Variants in RARB observed in about 807,000 individuals in gnomAD.
RARB encodes the protein HBV-activated protein.
A neutral mutation model predicts 51.9 loss-of-function variants in RARB; 17 were observed. The observed-to-expected ratio is 0.33, with a 90% CI of 0.22 to 0.49. The LOEUF (loss-of-function observed/expected upper bound fraction) is 0.49. Ranked by LOEUF, RARB falls within the 20% of genes least tolerant of loss-of-function variation. RARB has a pLI of 0.99. For synonymous variants in RARB, 215 were observed against 195.4 expected (o/e 1.10, Z -0.84); for missense variants, 369 against 550.8 (o/e 0.67, Z 3.30).
intron 1 of RARB, among the ~76,000 whole-genome samples, chr3:25,444,593 C>T (rs1380508656): frequency 6.6e-6 from 1 of 152,146 alleles, no homozygotes; most frequent in Non-Finnish European, 1.5e-5. Flanking sequence ...TCTAAACCCT[C>T]CTTTAGTGGG....
At chr3:25,214,619 C>T (rs1050298993) in intron 5 of RARB, among the ~76,000 whole-genome samples, 1 of 152,234 alleles carries the variant, frequency 6.6e-6, no homozygotes, top group Non-Finnish European at 1.5e-5. Flanking sequence ...AACAGGGCGT[C>T]CTGAAATGCC....
intron 2 of RARB, among the ~76,000 whole-genome samples, chr3:25,036,909 CTATGGTACTTTCAAGGTCATGCA>C (rs1698007122): frequency 6.6e-6 from 1 of 152,112 alleles, no homozygotes; most frequent in Admixed American, 6.5e-5. Flanking sequence ...TTCTTCTAAC[CTATGGTACTTTCAAGGTCATGCA>C]TGAGAGGTGT....
rs141759646 is a variant in RARB at position 25,207,763 on chromosome 3, C to T, written c.178+33188C>T. 2.0e-3 allele frequency among the ~76,000 whole-genome samples: 303 copies of T among 152,202 alleles called. 1 individual carries two copies. The highest frequency in any genetic ancestry group is 6.0e-3 in the Admixed American group (92 of 15,284). On this transcript the variant is annotated intron_variant, in intron 5 of 11. Transcript: ENST00000383772. The stretch of plus-strand genomic sequence containing the variant: ...AATATTGCTTGAATGAATGAATGAA[C>T]GAATGCAATTAAGACTCTTCAGAGG...
intron 5 of RARB, among the ~76,000 whole-genome samples, chr3:25,180,702 G>T (rs1325220397): frequency 6.6e-6 from 1 of 152,138 alleles, no homozygotes; most frequent in Non-Finnish European, 1.5e-5. Flanking sequence ...TTCTCCTTTA[G>T]TTCCCTCTGA....
intron 4 of RARB, among the ~76,000 whole-genome samples, chr3:25,146,665 C>T (rs944408448): frequency 2.7e-5 from 4 of 150,296 alleles, no homozygotes; most frequent in South Asian, 2.2e-4. Flanking sequence ...CCACCGCGCC[C>T]GGCTAATTTT....
At chr3:25,351,060 T>A (rs1463640173) in intron 5 of RARB, among the ~76,000 whole-genome samples, 1 of 152,192 alleles carries the variant, frequency 6.6e-6, no homozygotes, top group Non-Finnish European at 1.5e-5. Flanking sequence ...ACGTCTTAGT[T>A]TTAAGGAATA....
At chr3:25,047,601 A>G (rs570654846) in intron 2 of RARB, among the ~76,000 whole-genome samples, 1 of 152,332 alleles carries the variant, frequency 6.6e-6, no homozygotes, top group South Asian at 2.1e-4. Flanking sequence ...CATATTTTGG[A>G]GTAATCACCA....
intron 3 of RARB, among the ~76,000 whole-genome samples, chr3:25,101,098 A>C (rs920901718): frequency 5.3e-5 from 8 of 152,198 alleles, no homozygotes; most frequent in African/African-American, 1.7e-4. Context: ...ATATCATTTA[A>C]AGAGACTTTT....
chr3:25,356,848 T>C (rs1050796139), intron 5 of RARB, among the ~76,000 whole-genome samples: 13 of 152,056 alleles, frequency 8.5e-5, no homozygotes, highest in African/African-American at 3.1e-4. Context: ...ATGAACTCAT[T>C]CTTTTTTATG....
At chr3:25,072,696 G>T (rs1266352536) in intron 3 of RARB, among the ~76,000 whole-genome samples, 2 of 151,278 alleles carry the variant, frequency 1.3e-5, no homozygotes, top group Non-Finnish European at 2.9e-5. Flanking sequence ...TACAAGGAGG[G>T]TTTCTTTAAT....
At chr3:24,950,988 G>C (rs942722863) in intron 2 of RARB, among the ~76,000 whole-genome samples, 1 of 152,160 alleles carries the variant, frequency 6.6e-6, no homozygotes, top group African/African-American at 2.4e-5. Context: ...ACCAAACCCA[G>C]TTGCAGGACT....
chr3:25,232,985 T>TC (rs1311426012), intron 5 of RARB, among the ~76,000 whole-genome samples: 45 of 147,934 alleles, frequency 3.0e-4, no homozygotes, highest in African/African-American at 1.0e-3. Flanking sequence ...TTTTTTTTTT[T>TC]TTTTTTTTGA....
intron 2 of RARB, chr3:25,059,981 G>A (rs1698516252): frequency 6.6e-6 from 1 of 151,638 alleles, no homozygotes; most frequent in Non-Finnish European, 1.5e-5. Context: ...CTTAAGTTGT[G>A]GGATCCCTGG....
intron 3 of RARB, among the ~76,000 whole-genome samples, chr3:25,546,654 T>G (rs1055319491): frequency 1.3e-5 from 2 of 152,044 alleles, no homozygotes; most frequent in Non-Finnish European, 2.9e-5. Context: ...CTTTTAACAA[T>G]AATCAAAGCA....
intron 2 of RARB, among the ~76,000 whole-genome samples, chr3:25,051,685 T>A (rs1698336409): frequency 6.6e-6 from 1 of 151,972 alleles, no homozygotes; most frequent in South Asian, 2.1e-4. Flanking sequence ...AAGTTACAGT[T>A]CAGAAAAGAC....
At chr3:25,258,705 A>C (rs1702926633) in intron 5 of RARB, among the ~76,000 whole-genome samples, 1 of 152,134 alleles carries the variant, frequency 6.6e-6, no homozygotes, top group African/African-American at 2.4e-5. Flanking sequence ...GTCTAAGATG[A>C]GCAGCTGCAT....
At chr3:25,351,802 A>G (rs1705579424) in intron 5 of RARB, among the ~76,000 whole-genome samples, 1 of 152,134 alleles carries the variant, frequency 6.6e-6, no homozygotes, top group African/African-American at 2.4e-5. Context: ...TACTCACAGC[A>G]GCCTCAGCCC....
At chr3:25,261,969 T>C (rs1336645889) in intron 5 of RARB, among the ~76,000 whole-genome samples, 1 of 152,136 alleles carries the variant, frequency 6.6e-6, no homozygotes, top group Non-Finnish European at 1.5e-5. Flanking sequence ...ACCCATCCTA[T>C]ATCCTCTAAC....
intron 2 of RARB, among the ~76,000 whole-genome samples, chr3:25,470,348 A>G (rs1695624654): frequency 6.6e-6 from 1 of 152,198 alleles, no homozygotes; most frequent in Non-Finnish European, 1.5e-5. Context: ...TATTCATTGG[A>G]TGGATGAATG....
Sources: allele counts gnomAD v4.1 joint callset (sites outside exome capture counted in the v4.1 genomes callset), GRCh38; gene constraint gnomAD v4.1.1; transcripts MANE v1.5; gene names NCBI Gene and HGNC (gene_info 2026-07-23, HGNC 2026-07-21).